The following LOXL4 variants were observed in gnomAD, a reference collection of about 807,000 sequenced individuals.
LOXL4 encodes the protein lysyl oxidase homolog 4.
A neutral mutation model predicts 89.1 loss-of-function variants in LOXL4; 72 were observed. The observed-to-expected ratio is 0.81, with a 90% CI of 0.67 to 0.98. The LOEUF is 0.98. Among genes scored for constraint, LOXL4 ranks in the 50% least tolerant of loss-of-function variants. The pLI, the probability that LOXL4 is intolerant of heterozygous loss-of-function variation, is 0.00. For missense variants in LOXL4, 984 were observed against 1,017.5 expected (o/e 0.97, Z 0.45); for synonymous variants, 355 against 392.1 (o/e 0.91, Z 1.12).
chr10:98,264,065 C>T (rs1858620066), intron 1 of LOXL4, among the ~76,000 whole-genome samples: 1 of 151,848 alleles, frequency 6.6e-6, no homozygotes, highest in Non-Finnish European at 1.5e-5. Context: ...GAGATGGAAC[C>T]ACATATCATC....
chr10:98,259,413 T>G lies in LOXL4; in HGVS notation c.679A>C (p.Lys227Gln). 1 of 1,613,306 alleles carries G rather than the reference T, an allele frequency of 6.2e-7. No homozygotes were observed. Among genetic ancestry groups the G allele is most frequent in the South Asian group, 1.1e-5 (1 of 90,868 alleles). ...CACCTAGACTTAGGGTCCCTCATCT[T>G]CAGATCCCAGACTTTCCTGTTATGG... Reference protein sequence around the residue: ...SHYYRKVWDLKMRDPKSRLKS... With the variant: ...SHYYRKVWDLQMRDPKSRLKS... The change falls in exon 5 of 15, where the codon AAG becomes CAG. Residue 227 changes from lysine (K) to glutamine (Q), a missense_variant. Lys to Gln is a moderately conservative substitution (Grantham distance 53). Coordinates refer to ENST00000260702, the MANE Select transcript of LOXL4 (RefSeq NM_032211.7).
chr10:98,265,405 TA>T (rs1858658871), intron 1 of LOXL4, among the ~76,000 whole-genome samples: 1 of 68,568 alleles, frequency 1.5e-5, no homozygotes, highest in African/African-American at 5.2e-5. Flanking sequence ...TTATTATTAT[TA>T]TTATTATTAT....
chr10:98,262,235 C>A, intron 2 of LOXL4, 22 bp from the exon 3 acceptor site: 3 of 1,611,690 alleles, frequency 1.9e-6, no homozygotes, highest in Non-Finnish European at 2.5e-6. Flanking sequence ...AGGTGATGCT[C>A]AAAGATGGCA....
intron 1 of LOXL4, among the ~76,000 whole-genome samples, chr10:98,264,041 A>G (rs1314954404): frequency 6.6e-6 from 1 of 151,630 alleles, no homozygotes; most frequent in African/African-American, 2.4e-5. Context: ...CTGACTCTTT[A>G]TTTCTAAAGT....
intron 11 of LOXL4, 111 bp from the exon 12 acceptor site, chr10:98,252,579 A>T: frequency 2.8e-6 from 2 of 713,008 alleles, no homozygotes; most frequent in South Asian, 3.4e-5. Flanking sequence ...GAGGAAAGTT[A>T]TAGTAGGCAG....
intron 1 of LOXL4, among the ~76,000 whole-genome samples, chr10:98,267,916 C>T (rs1271198499): frequency 6.6e-6 from 1 of 152,152 alleles, no homozygotes; most frequent in Non-Finnish European, 1.5e-5. Context: ...CAGGGCGGGC[C>T]TTGGGCCAAG....
At position 98,251,112 on chromosome 10, in the gene LOXL4, C is replaced by T. The variant is rs151114097; in HGVS notation, c.2153G>A (p.Arg718His). 2.0e-5 allele frequency: 32 copies of T among 1,613,934 alleles called. No individual in the cohort carries two copies. The African/African-American group carries it at 2.4e-4, about 12-fold the overall frequency. The change falls in exon 14 of 15, where the codon CGC becomes CAC. Residue 718 changes from arginine (R) to histidine (H), a missense_variant. Coordinates refer to ENST00000260702, the MANE Select transcript of LOXL4 (RefSeq NM_032211.7). Reference sequence around the variant, plus strand: ...GACCCGGTGCCCATCATACTTGCAGCGGCACTGCAGCATATTGTTGGAGAA... The same window carrying T: ...GACCCGGTGCCCATCATACTTGCAGTGGCACTGCAGCATATTGTTGGAGAA... The part of the protein sequence containing the change: ...SDFSNNMLQC[R>H]CKYDGHRVWL...
rs1428695521 is a variant in LOXL4, at chr10:98,257,547, C to T, written c.1260+103G>A. 2.9e-6 allele frequency: 4 copies of T among 1,373,412 alleles called. No individual in the cohort carries two copies. In the East Asian group the frequency reaches 9.3e-5, roughly 32 times the overall value. The allele number at this position is 1,373,412 out of a possible 1,614,324, so 85.1% of individuals were successfully genotyped here. A position where few individuals can be genotyped will look rare whatever the true frequency, so the allele number is the denominator to read the frequency against. On this transcript the variant is annotated intron_variant, in intron 8 of 14. Coordinates refer to ENST00000260702, the MANE Select transcript of LOXL4 (RefSeq NM_032211.7). ...CTGGTGCCCAAAGCAGAAGCGCTAGCCGCTCCTCCTGGACCTCTCCCCGCT... is the reference window on the plus strand; with the variant it reads ...CTGGTGCCCAAAGCAGAAGCGCTAGTCGCTCCTCCTGGACCTCTCCCCGCT...
In LOXL4 at chr10:98,263,993, A is replaced by T. The variant is rs183395314; in HGVS notation, c.-32-942T>A. On this transcript the variant is annotated intron_variant, in intron 1 of 14. Transcript: ENST00000260702. ...TGATCCATCCGCCTTGGCCTCCCAA[A>T]GTGCTGGGATTACAGGTGTGAGCCA... is the stretch of plus-strand genomic sequence containing the variant. Among the ~76,000 whole-genome samples the T allele has an allele frequency of 5.9e-3, 903 of 151,906 alleles. 4 individuals are homozygous for T. The highest frequency in any genetic ancestry group is 0.021 in the African/African-American group (867 of 41,454).
At chr10:98,262,365 GTATT>G (rs931633785) in intron 2 of LOXL4, 152 bp from the exon 3 acceptor site, 1 of 769,584 alleles carries the variant, frequency 1.3e-6, no homozygotes, top group African/African-American at 1.8e-5. Flanking sequence ...TGGGGAATAA[GTATT>G]TATAACCCTG....
At chr10:98,249,783 G>T (rs1288552753) in intron 14 of LOXL4, among the ~76,000 whole-genome samples, 1 of 152,204 alleles carries the variant, frequency 6.6e-6, no homozygotes, top group Non-Finnish European at 1.5e-5. Flanking sequence ...GTCTCCGTGT[G>T]CGTAGCCTTG....
Position 98,259,234 on chromosome 10 carries a change from G to T in LOXL4, c.702-6C>A. On this transcript the variant is annotated splice_polypyrimidine_tract_variant and splice_region_variant and intron_variant, in intron 5 of 14. Coordinates refer to ENST00000260702, the MANE Select transcript of LOXL4 (RefSeq NM_032211.7). The stretch of plus-strand genomic sequence containing the variant: ...TATTCGTCAGGCTCTTCAGCCTAGA[G>T]GACAAGGGAGACTGAGGGTGGAGGA... The T allele has an allele frequency of 6.2e-7, 1 of 1,608,572 alleles. No homozygotes were observed. The highest frequency in any genetic ancestry group is 8.5e-7 in the Non-Finnish European group (1 of 1,177,240).
Position 98,251,647 on chromosome 10 carries a change from G to A in LOXL4, c.2007C>T (p.Gly669=), listed in dbSNP as rs1490936829. 6.2e-7 allele frequency: 1 copy of A among 1,614,118 alleles called. No homozygotes were observed. The highest frequency in any genetic ancestry group is 1.3e-5 in the African/African-American group (1 of 74,946). ...ANFGEQGVTV[G]CWDTYRHDID... ...TGTCATGCCGGTAGGTGTCCCAGCA[G>A]CCTACAGTCACTCCCTGTTCTCCAA... The change falls in exon 13 of 15, where the codon GGC becomes GGT. Residue 669 remains glycine (G), a synonymous_variant. Transcript: ENST00000260702.
rs915856114 is a variant in LOXL4 at position 98,257,879 on chromosome 10, G to A, written c.1106-75C>T. 6 of 1,572,730 alleles carry A rather than the reference G, an allele frequency of 3.8e-6. No individual in the cohort carries two copies. In the African/African-American group the frequency reaches 8.1e-5, roughly 21 times the overall value. On this transcript the variant is annotated intron_variant, in intron 7 of 14. Coordinates refer to ENST00000260702, the MANE Select transcript of LOXL4 (RefSeq NM_032211.7). The stretch of plus-strand genomic sequence containing the variant: ...ACACTTGTGGCTTCCCCTTCACAGA[G>A]GGGGATAACTTTCTGTCCTGGCCCT...
At chr10:98,259,613 C>T (rs1858482724) in intron 4 of LOXL4, among the ~76,000 whole-genome samples, 184 bp from the exon 5 acceptor site, 1 of 152,198 alleles carries the variant, frequency 6.6e-6, no homozygotes, top group South Asian at 2.1e-4. Flanking sequence ...CACAAATAAC[C>T]ATTTTACAAG....
At position 98,258,071 on chromosome 10, in the gene LOXL4, T is replaced by C; in HGVS notation, c.1015A>G (p.Arg339Gly). 2 of 1,613,754 alleles carry C rather than the reference T, an allele frequency of 1.2e-6. No homozygotes were observed. Among genetic ancestry groups the C allele is most frequent in the Non-Finnish European group, 1.7e-6 (2 of 1,180,040 alleles). ...ACACTGGCAGAGATGAGGTTCCACC[T>C]GTGGTCACAGACCGTGCCCCACTGG... ...NRQWGTVCDH[R>G]WNLISASVVC... The change falls in exon 7 of 15, where the codon AGG (arginine) becomes GGG (glycine). Residue 339 changes from arginine to glycine, a missense_variant. Physicochemically the swap from Arg to Gly is moderately radical, Grantham distance 125. Coordinates refer to ENST00000260702, the MANE Select transcript of LOXL4 (RefSeq NM_032211.7).
chr10:98,261,543 G>A (rs994903327), intron 3 of LOXL4, among the ~76,000 whole-genome samples: 2 of 152,186 alleles, frequency 1.3e-5, no homozygotes, highest in Non-Finnish European at 2.9e-5. Flanking sequence ...TGGCCCACAA[G>A]AACCCCCAAC....
In LOXL4 at chr10:98,257,657, T is replaced by A; in HGVS notation, c.1253A>T (p.Gln418Leu). ...GCTCAGACCCAAACTCACCTGATTC[T>A]GAAAGCCCATGTTAGGGACATTGCA... The part of the protein sequence containing the change: ...VRCNVPNMGF[Q>L]NQVRLAGGRI... Residue 418 changes from glutamine (Q) to leucine (L), a missense_variant, in exon 8 of 15, where the codon CAG (glutamine) becomes CTG (leucine). Gln to Leu is a moderately radical substitution (Grantham distance 113). Transcript: ENST00000260702. 6.2e-7 allele frequency: 1 copy of A among 1,613,416 alleles called. No individual in the cohort carries two copies. The highest frequency in any genetic ancestry group is 8.5e-7 in the Non-Finnish European group (1 of 1,179,668).
chr10:98,256,618 T>A, intron 9 of LOXL4, 162 bp downstream of exon 9: 1 of 737,024 alleles, frequency 1.4e-6, no homozygotes, highest in South Asian at 1.8e-5. Context: ...TGTCTTCTTG[T>A]TTACCACACT....
Sources: gnomAD v4.1 joint callset for allele counts (sites outside exome capture counted in the v4.1 genomes callset) on GRCh38, gnomAD v4.1.1 for gene constraint, MANE v1.5 for transcripts, NCBI Gene and HGNC (gene_info 2026-07-23, HGNC 2026-07-21) for gene names.